The following DPP10 variants were observed in gnomAD, a reference collection of about 807,000 sequenced individuals.
The protein encoded by DPP10 is inactive dipeptidyl peptidase 10.
In DPP10, 33 loss-of-function variants were observed where a neutral mutation model predicts 120.9. The observed-to-expected ratio is 0.27, with a 90% CI of 0.21 to 0.37. The LOEUF (loss-of-function observed/expected upper bound fraction) is 0.37. DPP10 is among the 10% of genes least tolerant of loss of function. The pLI is 1.00. For synonymous variants in DPP10, 337 were observed against 326.1 expected, an observed-to-expected ratio of 1.03 and a Z score of -0.36; for missense variants, 816 against 942.8, an observed-to-expected ratio of 0.87 and a Z score of 1.76.
chr2:115,092,346 T>C (rs1382289643), intron 1 of DPP10, among the ~76,000 whole-genome samples: 4 of 152,308 alleles, frequency 2.6e-5, no homozygotes, highest in African/African-American at 7.2e-5. Flanking sequence ...ATCCCATCCA[T>C]TCTTAAAGAG....
At chr2:114,538,582 C>T (rs940827033) in intron 1 of DPP10, among the ~76,000 whole-genome samples, 1 of 152,200 alleles carries the variant, frequency 6.6e-6, no homozygotes, top group African/African-American at 2.4e-5. Context: ...TTGTTTCTTA[C>T]ATTCCCCAAA....
At chr2:114,791,080 T>C (rs1683204024) in intron 1 of DPP10, among the ~76,000 whole-genome samples, 2 of 152,212 alleles carry the variant, frequency 1.3e-5, no homozygotes, top group East Asian at 1.9e-4. Flanking sequence ...GTATAAAATA[T>C]AGTAGCCAAT....
chr2:114,480,391 A>G (rs1161437663), intron 1 of DPP10, among the ~76,000 whole-genome samples: 1 of 152,146 alleles, frequency 6.6e-6, no homozygotes, highest in Non-Finnish European at 1.5e-5. Flanking sequence ...ATGCTACTAT[A>G]AAGACACATG....
At chr2:115,036,895 A>G (rs1209120938) in intron 1 of DPP10, among the ~76,000 whole-genome samples, 2 of 152,234 alleles carry the variant, frequency 1.3e-5, no homozygotes, top group East Asian at 1.9e-4. Context: ...CCAGCTCTGC[A>G]AGATACGAAT....
In DPP10 at chr2:114,790,007, T is replaced by C. The variant is rs546233956; in HGVS notation, c.60+347169T>C. ...TTAGCTAGTGTTATGGCTGTTATTATTGTCAGCATCTTTGTCCTTTGTCAA... is the reference window on the plus strand; with the variant it reads ...TTAGCTAGTGTTATGGCTGTTATTACTGTCAGCATCTTTGTCCTTTGTCAA... On this transcript the variant is annotated intron_variant, in intron 1 of 25. Coordinates refer to ENST00000410059, the MANE Select transcript of DPP10 (RefSeq NM_020868.6). Among the ~76,000 whole-genome samples, 228 of 152,382 alleles carry C rather than the reference T, an allele frequency of 1.5e-3. 4 individuals are homozygous for C. Among genetic ancestry groups the C allele is most frequent in the Admixed American group, 0.015 (225 of 15,304 alleles).
At chr2:114,957,909 C>T (rs1574571399) in intron 1 of DPP10, among the ~76,000 whole-genome samples, 1 of 152,088 alleles carries the variant, frequency 6.6e-6, no homozygotes, top group Non-Finnish European at 1.5e-5. Context: ...ATGTCAAACT[C>T]ATACAGGTAG....
intron 1 of DPP10, among the ~76,000 whole-genome samples, chr2:115,232,623 A>G (rs778681994): frequency 1.3e-5 from 2 of 152,248 alleles, no homozygotes; most frequent in Admixed American, 1.3e-4. Context: ...GCCATATATG[A>G]GTGCTCGTAT....
chr2:115,713,369 T>A (rs2092392418), intron 7 of DPP10, among the ~76,000 whole-genome samples: 1 of 152,150 alleles, frequency 6.6e-6, no homozygotes, highest in Non-Finnish European at 1.5e-5. Flanking sequence ...GGTTTTGGAA[T>A]GCTGAATGGA....
intron 7 of DPP10, among the ~76,000 whole-genome samples, chr2:115,718,518 T>A (rs2149600546): frequency 6.6e-6 from 1 of 152,308 alleles, no homozygotes; most frequent in South Asian, 2.1e-4. Flanking sequence ...TTCTGTATTT[T>A]TTTCTTTACT....
intron 3 of DPP10, among the ~76,000 whole-genome samples, chr2:115,496,940 T>A (rs1418487337): frequency 1.3e-5 from 2 of 151,896 alleles, no homozygotes; most frequent in African/African-American, 4.8e-5. Context: ...GGGATGCAAT[T>A]ATAAAAGTGT....
At chr2:114,636,176 C>T (rs1465126049) in intron 1 of DPP10, among the ~76,000 whole-genome samples, 1 of 151,938 alleles carries the variant, frequency 6.6e-6, no homozygotes, top group Non-Finnish European at 1.5e-5. Flanking sequence ...ACAAGTCAAA[C>T]ATTTGCACAA....
chr2:114,997,423 C>T (rs971486095), intron 1 of DPP10, among the ~76,000 whole-genome samples: 1 of 149,288 alleles, frequency 6.7e-6, no homozygotes, highest in Non-Finnish European at 1.5e-5. Flanking sequence ...ACCCAGGAGG[C>T]GGAGGTTGCA....
intron 1 of DPP10, among the ~76,000 whole-genome samples, chr2:115,051,997 TAAAG>T (rs1451033774): frequency 6.6e-6 from 1 of 152,182 alleles, no homozygotes; most frequent in African/African-American, 2.4e-5. Context: ...TAAAATTAAA[TAAAG>T]AATTCGAGTT....
At chr2:115,402,927 A>ATG (rs1394711211) in intron 3 of DPP10, among the ~76,000 whole-genome samples, 3 of 135,682 alleles carry the variant, frequency 2.2e-5, no homozygotes, top group African/African-American at 6.1e-5. Flanking sequence ...GTATATATAT[A>ATG]TGTATATATA....
At chr2:115,603,120 A>C (rs2083437838) in intron 5 of DPP10, among the ~76,000 whole-genome samples, 1 of 115,228 alleles carries the variant, frequency 8.7e-6, no homozygotes, top group Admixed American at 1.1e-4. Context: ...AAATAAATAA[A>C]ACTGTGTGTG....
intron 13 of DPP10, among the ~76,000 whole-genome samples, chr2:115,772,001 T>G (rs1681532384): frequency 6.6e-6 from 1 of 151,954 alleles, no homozygotes; most frequent in Non-Finnish European, 1.5e-5. Context: ...TTAGTGGGTT[T>G]TTTTTTTTCC....
At chr2:115,120,961 A>C (rs1311307019) in intron 1 of DPP10, among the ~76,000 whole-genome samples, 1 of 152,228 alleles carries the variant, frequency 6.6e-6, no homozygotes, top group African/African-American at 2.4e-5. Flanking sequence ...TACTACGAAG[A>C]GGGAGAAGAT....
At chr2:115,668,256 A>G (rs1195029205) in intron 5 of DPP10, among the ~76,000 whole-genome samples, 5 of 145,094 alleles carry the variant, frequency 3.4e-5, no homozygotes. Flanking sequence ...TTTAATTGCC[A>G]TTTTAACAGT....
chr2:114,925,090 A>G (rs1452659070), intron 1 of DPP10, among the ~76,000 whole-genome samples: 2 of 151,370 alleles, frequency 1.3e-5, no homozygotes, highest in Non-Finnish European at 2.9e-5. Flanking sequence ...GGGTGCCTGT[A>G]GTGCCAGCTA....
Sources: gnomAD v4.1 joint callset for allele counts (sites outside exome capture counted in the v4.1 genomes callset) on GRCh38, gnomAD v4.1.1 for gene constraint, MANE v1.5 for transcripts, NCBI Gene and HGNC (gene_info 2026-07-23, HGNC 2026-07-21) for gene names.